THSD7A: variants seen among roughly 807,000 people sequenced by gnomAD.
THSD7A encodes thrombospondin type 1 domain containing 7A, also known as thrombospondin type-1 domain-containing protein 7A.
A neutral mutation model predicts 231.3 loss-of-function variants in THSD7A; 96 were observed. That is an observed-to-expected ratio of 0.41 (90% confidence interval 0.35 to 0.49). The LOEUF (loss-of-function observed/expected upper bound fraction) is 0.49, where lower values mean the gene tolerates loss of function less well. THSD7A is among the 20% of genes least tolerant of loss of function. The pLI, the probability that THSD7A is intolerant of heterozygous loss-of-function variation, is 0.05. For missense variants in THSD7A, 2,290 were observed against 2,070.2 expected (o/e 1.11, Z -2.06); for synonymous variants, 940 against 743.3 (o/e 1.26, Z -4.30).
At chr7:11,649,142 G>T (rs889474009) in intron 1 of THSD7A, among the ~76,000 whole-genome samples, 1 of 151,972 alleles carries the variant, frequency 6.6e-6, no homozygotes, top group Non-Finnish European at 1.5e-5. Flanking sequence ...GGTTCATTCA[G>T]TCTGGGGGAA....
chr7:11,823,158 T>C (rs1489038851), intron 1 of THSD7A, among the ~76,000 whole-genome samples: 1 of 152,082 alleles, frequency 6.6e-6, no homozygotes, highest in Non-Finnish European at 1.5e-5. Context: ...TCTAGTTTCA[T>C]TCTTCTGCAT....
intron 6 of THSD7A, among the ~76,000 whole-genome samples, chr7:11,539,662 G>A (rs1049435160): frequency 4.6e-5 from 7 of 152,126 alleles, no homozygotes; most frequent in Admixed American, 2.0e-4. Context: ...TTAACAAAAT[G>A]AAAATAAGCC....
At chr7:11,507,992 A>T (rs1247571050) in intron 6 of THSD7A, among the ~76,000 whole-genome samples, 1 of 152,204 alleles carries the variant, frequency 6.6e-6, no homozygotes, top group African/African-American at 2.4e-5. Context: ...TCATGGCAGA[A>T]GGTAAAGTGT....
chr7:11,531,093 T>A (rs978722476), intron 6 of THSD7A, among the ~76,000 whole-genome samples: 1 of 152,158 alleles, frequency 6.6e-6, no homozygotes, highest in East Asian at 1.9e-4. Context: ...AACACTAGTA[T>A]AAAGAAAATA....
chr7:11,570,224 T>C (rs1790564042), intron 4 of THSD7A, among the ~76,000 whole-genome samples: 1 of 152,090 alleles, frequency 6.6e-6, no homozygotes, highest in South Asian at 2.1e-4. Context: ...GAGGTCATTA[T>C]GTTAAGTGAA....
At chr7:11,811,426 C>T (rs1015677161) in intron 1 of THSD7A, among the ~76,000 whole-genome samples, 19 of 152,082 alleles carry the variant, frequency 1.2e-4, no homozygotes, top group Middle Eastern at 3.4e-3. Flanking sequence ...TACATTGGCC[C>T]GAGATTTAGG....
intron 1 of THSD7A, among the ~76,000 whole-genome samples, chr7:11,724,035 A>G (rs1781456882): frequency 6.6e-6 from 1 of 151,982 alleles, no homozygotes; most frequent in Non-Finnish European, 1.5e-5. Flanking sequence ...GCAGGCAAGA[A>G]CTTAAATAAA....
intron 25 of THSD7A, 140 bp from the exon 26 acceptor site, chr7:11,379,420 A>G: frequency 1.1e-6 from 1 of 919,520 alleles, no homozygotes; most frequent in Non-Finnish European, 1.6e-6. Flanking sequence ...TTTAACTACA[A>G]AGAAACATAC....
At chr7:11,690,375 A>G (rs1458113766) in intron 1 of THSD7A, among the ~76,000 whole-genome samples, 1 of 151,760 alleles carries the variant, frequency 6.6e-6, no homozygotes, top group East Asian at 1.9e-4. Context: ...TAGGTTCTCA[A>G]TTTGACAAAG....
rs1789143532 is a variant in THSD7A at position 11,541,457 on chromosome 7, C to T, written c.1784G>A (p.Gly595Asp). The T allele has an allele frequency of 6.2e-7, 1 of 1,613,926 alleles. No homozygotes were observed. Among genetic ancestry groups the T allele is most frequent in the Non-Finnish European group, 8.5e-7 (1 of 1,179,876 alleles). The change falls in exon 6 of 28, where the codon GGC (glycine) becomes GAC (aspartate). Residue 595 changes from glycine to aspartate, a missense_variant. Transcript: ENST00000423059. ...GCACACAACCTCTTGAACTTGCGTG[C>T]CTGGACCACACTCCTTTCCGTTATC... The part of the protein sequence containing the change: ...EPDNGKECGP[G>D]TQVQEVVCIN...
At chr7:11,799,329 G>A (rs1279661858) in intron 1 of THSD7A, among the ~76,000 whole-genome samples, 1 of 152,086 alleles carries the variant, frequency 6.6e-6, no homozygotes, top group Non-Finnish European at 1.5e-5. Flanking sequence ...ATCTTCCAGT[G>A]GAGAAACTTC....
At chr7:11,686,198 G>C (rs979506411) in intron 1 of THSD7A, among the ~76,000 whole-genome samples, 1 of 151,738 alleles carries the variant, frequency 6.6e-6, no homozygotes, top group Non-Finnish European at 1.5e-5. Context: ...TGGGGAGAAA[G>C]AGTAAGGGTT....
intron 1 of THSD7A, among the ~76,000 whole-genome samples, chr7:11,789,281 C>T (rs1398891402): frequency 2.0e-5 from 3 of 151,930 alleles, no homozygotes; most frequent in Middle Eastern, 3.2e-3. Flanking sequence ...TCATGTAGGC[C>T]GTTGCTGGTA....
intron 4 of THSD7A, among the ~76,000 whole-genome samples, chr7:11,558,554 T>C (rs575794793): frequency 1.8e-4 from 27 of 152,118 alleles, no homozygotes; most frequent in African/African-American, 5.1e-4. Context: ...CTTTAATTAT[T>C]AGGGGCAAAG....
At chr7:11,587,866 G>T (rs998633467) in intron 4 of THSD7A, among the ~76,000 whole-genome samples, 1 of 152,066 alleles carries the variant, frequency 6.6e-6, no homozygotes, top group Non-Finnish European at 1.5e-5. Flanking sequence ...GTATTTTTTT[G>T]TACTAATACA....
intron 1 of THSD7A, among the ~76,000 whole-genome samples, chr7:11,685,468 C>A (rs563062911): frequency 1.3e-5 from 2 of 151,888 alleles, no homozygotes; most frequent in Non-Finnish European, 2.9e-5. Context: ...TAATTGCAAA[C>A]TATGCATCTG....
intron 1 of THSD7A, among the ~76,000 whole-genome samples, chr7:11,828,987 T>G (rs1052678645): frequency 2.0e-5 from 3 of 152,138 alleles, no homozygotes; most frequent in Non-Finnish European, 4.4e-5. Context: ...GATGATCCAG[T>G]TCCATTTAAT....
At chr7:11,762,535 G>A (rs1325843876) in intron 1 of THSD7A, among the ~76,000 whole-genome samples, 1 of 152,124 alleles carries the variant, frequency 6.6e-6, no homozygotes, top group African/African-American at 2.4e-5. Context: ...GTCTTCTTCT[G>A]AGAAATGTCT....
In THSD7A at chr7:11,636,493, T is replaced by G. The variant is rs775470790; in HGVS notation, c.659A>C (p.His220Pro). 4 of 1,613,792 alleles carry G rather than the reference T, an allele frequency of 2.5e-6. No individual in the cohort carries two copies. In the South Asian group the frequency reaches 3.3e-5, roughly 13 times the overall value. The change falls in exon 2 of 28, where the codon CAT becomes CCT. Residue 220 changes from histidine to proline, a missense_variant. Physicochemically the swap from His to Pro is moderately conservative, Grantham distance 77. Transcript: ENST00000423059. This position sits in a 1 kb window ranked among gnomAD's most constrained non-coding sequence, Gnocchi z 10.0. The stretch of plus-strand genomic sequence containing the variant: ...TCCGAACTGCGGGGGCGCCACCACA[T>G]GACGCGTCCGGTGCTGGAGCCCGCT... Reference protein sequence around the residue: ...CGSGLQHRTRHVVAPPQFGGS... With the variant: ...CGSGLQHRTRPVVAPPQFGGS...
Sources: gnomAD v4.1 joint callset for allele counts (sites outside exome capture counted in the v4.1 genomes callset) on GRCh38, gnomAD v4.1.1 for gene constraint, Gnocchi (gnomAD v3.1) non-coding constraint, MANE v1.5 for transcripts, NCBI Gene and HGNC (gene_info 2026-07-23, HGNC 2026-07-21) for gene names.